MGMT: variants seen among roughly 807,000 people sequenced by gnomAD.
MGMT encodes O-6-methylguanine-DNA methyltransferase.
A neutral mutation model predicts 15.9 loss-of-function variants in MGMT; 14 were observed. The observed-to-expected ratio is 0.88, with a 90% CI of 0.58 to 1.37. The LOEUF (loss-of-function observed/expected upper bound fraction) is 1.37. MGMT is among the 40% of genes most tolerant of loss of function. MGMT has a pLI of 0.00. For synonymous variants in MGMT, 130 were observed against 118.2 expected, an observed-to-expected ratio of 1.10 and a Z score of -0.65; for missense variants, 282 against 268.1, an observed-to-expected ratio of 1.05 and a Z score of -0.36.
In MGMT at chr10:129,532,860, A is replaced by G. The variant is rs1022962006; in HGVS notation, c.-12-3381A>G. 6.6e-6 allele frequency among the ~76,000 whole-genome samples: 1 copy of G among 152,178 alleles called. No individual in the cohort carries two copies. On this transcript the variant is annotated intron_variant, in intron 1 of 4. Coordinates refer to ENST00000651593, the MANE Select transcript of MGMT (RefSeq NM_002412.5). The surrounding 1 kb of genome is among the most constrained non-coding windows in gnomAD (Gnocchi z 5.3). ...AGGAGTGCGCAGCTAGTGTCTGACC[A>G]GCCCCCACATGGGGCACTCCCCAGT...
intron 2 of MGMT, among the ~76,000 whole-genome samples, chr10:129,578,589 A>G (rs151077660): frequency 0.032 from 4,942 of 152,224 alleles, 130 homozygotes; most frequent in South Asian, 0.065. Flanking sequence ...GCTAAATGAC[A>G]AGTTAATGGG....
intron 2 of MGMT, among the ~76,000 whole-genome samples, chr10:129,653,851 G>A (rs1847491736): frequency 6.6e-6 from 1 of 152,212 alleles, no homozygotes; most frequent in Non-Finnish European, 1.5e-5. Flanking sequence ...AAGAGTGTCA[G>A]GTGGGCTAGG....
chr10:129,538,193 A>G (rs1846006410), intron 2 of MGMT, among the ~76,000 whole-genome samples: 1 of 152,258 alleles, frequency 6.6e-6, no homozygotes, highest in African/African-American at 2.4e-5. Flanking sequence ...TTTCAAGTGT[A>G]CAATTCATTT....
intron 2 of MGMT, among the ~76,000 whole-genome samples, chr10:129,675,994 G>C (rs1327949922): frequency 2.0e-5 from 3 of 152,194 alleles, no homozygotes; most frequent in Admixed American, 1.3e-4. Flanking sequence ...TTGAGTAGCT[G>C]CTACCTGGCA....
chr10:129,676,070 T>A (rs1326412754), intron 2 of MGMT, among the ~76,000 whole-genome samples: 1 of 152,044 alleles, frequency 6.6e-6, no homozygotes, highest in Non-Finnish European at 1.5e-5. Flanking sequence ...CTGAGCAGGG[T>A]GCACCCTACC....
intron 1 of MGMT, among the ~76,000 whole-genome samples, chr10:129,475,832 T>C (rs1480473457): frequency 6.6e-6 from 1 of 152,216 alleles, no homozygotes; most frequent in East Asian, 1.9e-4. Context: ...GGTTCTGAAG[T>C]TAGTGTTCTT....
At position 129,505,465 on chromosome 10, in the gene MGMT, C is replaced by A. The variant is rs570353053; in HGVS notation, c.-12-30776C>A. 7.9e-5 allele frequency among the ~76,000 whole-genome samples: 12 copies of A among 152,216 alleles called. 1 individual carries two copies. The South Asian group carries it at 2.5e-3, about 32-fold the overall frequency. Reference sequence around the variant, plus strand: ...AAAACTGAGATTCCATTTTTTCCAACATTTTGACTTAAGGCTGAATTTTAG... The same window carrying A: ...AAAACTGAGATTCCATTTTTTCCAAAATTTTGACTTAAGGCTGAATTTTAG... On this transcript the variant is annotated intron_variant, in intron 1 of 4. Coordinates refer to ENST00000651593, the MANE Select transcript of MGMT (RefSeq NM_002412.5).
Position 129,497,281 on chromosome 10 carries a change from G to A in MGMT, c.-13+29985G>A, listed in dbSNP as rs753161790. On this transcript the variant is annotated intron_variant, in intron 1 of 4. Coordinates refer to ENST00000651593, the MANE Select transcript of MGMT (RefSeq NM_002412.5). ...CTGGAGGCAAGGGGAGGGTTTTCAC[G>A]GAGGGGCGGTGCACAGCTCTGTGCC... Among the ~76,000 whole-genome samples the A allele has an allele frequency of 4.6e-5, 7 of 152,150 alleles. No homozygotes were observed. In the South Asian group the frequency reaches 6.2e-4, roughly 14 times the overall value.
chr10:129,705,377 C>G (rs1190154935), intron 2 of MGMT, among the ~76,000 whole-genome samples: 1 of 152,212 alleles, frequency 6.6e-6, no homozygotes, highest in East Asian at 1.9e-4. Flanking sequence ...CCACAGTACA[C>G]TTTAAGCCAA....
chr10:129,655,472 G>T (rs1847514998), intron 2 of MGMT, among the ~76,000 whole-genome samples: 1 of 152,186 alleles, frequency 6.6e-6, no homozygotes, highest in South Asian at 2.1e-4. Context: ...CCCGGAAGCT[G>T]GTGGGGAGAG....
At chr10:129,616,276 C>A in intron 2 of MGMT, among the ~76,000 whole-genome samples, 1 of 152,206 alleles carries the variant, frequency 6.6e-6, no homozygotes, top group Non-Finnish European at 1.5e-5. Flanking sequence ...GCTGCAGGCT[C>A]AGGGGAGCTG....
At chr10:129,526,909 C>T (rs1017646055) in intron 1 of MGMT, among the ~76,000 whole-genome samples, 6 of 152,202 alleles carry the variant, frequency 3.9e-5, no homozygotes, top group Admixed American at 6.5e-5. Flanking sequence ...GTTATTTAAA[C>T]GCCATTCATG....
In MGMT at chr10:129,560,989, G is replaced by GTGTGCGTGTGCA. The variant is rs1554911326; in HGVS notation, c.125+24616_125+24617insCGTGTGCATGTG. Among the ~76,000 whole-genome samples, 87 of 149,902 alleles carry GTGTGCGTGTGCA rather than the reference G, an allele frequency of 5.8e-4. 2 individuals carry two copies. Among genetic ancestry groups the GTGTGCGTGTGCA allele is most frequent in the Middle Eastern group, 3.4e-3 (1 of 294 alleles). The stretch of plus-strand genomic sequence containing the variant: ...TGTGTGTGTGTGTGTGTGTGTGTGT[G>GTGTGCGTGTGCA]TGTGTGTGTTCCTTTCCCAGCCAGC... On this transcript the variant is annotated intron_variant, in intron 2 of 4. Coordinates refer to ENST00000651593, the MANE Select transcript of MGMT (RefSeq NM_002412.5).
intron 4 of MGMT, 140 bp from the exon 5 acceptor site, chr10:129,766,648 A>C (rs1589983778): frequency 1.4e-6 from 1 of 712,798 alleles, no homozygotes; most frequent in Non-Finnish European, 2.3e-6. Flanking sequence ...GCTGACACCC[A>C]CCCATGCCAA....
chr10:129,468,123 T>A (rs1184615902), intron 1 of MGMT, among the ~76,000 whole-genome samples: 1 of 152,168 alleles, frequency 6.6e-6, no homozygotes. Context: ...ACTGGTTATT[T>A]ACATAGACAT....
At chr10:129,738,242 G>T (rs1453324445) in intron 3 of MGMT, among the ~76,000 whole-genome samples, 4 of 152,336 alleles carry the variant, frequency 2.6e-5, no homozygotes, top group East Asian at 3.9e-4. Context: ...CCAGGTGCGG[G>T]ATATAATCTC....
At chr10:129,702,656 C>A (rs1848112536) in intron 2 of MGMT, among the ~76,000 whole-genome samples, 1 of 152,182 alleles carries the variant, frequency 6.6e-6, no homozygotes, top group African/African-American at 2.4e-5. Flanking sequence ...GTCTCCTGCA[C>A]TGGCTCCTGC....
chr10:129,603,364 G>A (rs1589889021), intron 2 of MGMT, among the ~76,000 whole-genome samples: 1 of 152,338 alleles, frequency 6.6e-6, no homozygotes, highest in South Asian at 2.1e-4. Flanking sequence ...GCAGCTGTCT[G>A]ACTGAGCGCG....
At chr10:129,716,206 C>T (rs11016887) in intron 3 of MGMT, among the ~76,000 whole-genome samples, 46,212 of 152,104 alleles carry the variant, frequency 0.3, 8,866 homozygotes, top group African/African-American at 0.53. Context: ...CGGATCAGGC[C>T]TTCTCTGCCC....
Sources: gnomAD v4.1 joint callset for allele counts (sites outside exome capture counted in the v4.1 genomes callset) on GRCh38, gnomAD v4.1.1 for gene constraint, Gnocchi (gnomAD v3.1) non-coding constraint, MANE v1.5 for transcripts, NCBI Gene and HGNC (gene_info 2026-07-23, HGNC 2026-07-21) for gene names.